Variants in HAT1 observed in about 807,000 individuals in gnomAD.
The protein encoded by HAT1 is histone acetyltransferase 1, also known as histone acetyltransferase type B catalytic subunit.
HAT1 carries 20 observed loss-of-function variants against 56.6 expected under a neutral mutation model. That is an observed-to-expected ratio of 0.35 (90% CI 0.25 to 0.51). The LOEUF (loss-of-function observed/expected upper bound fraction) is 0.51. Among genes scored for constraint, HAT1 ranks in the 20% least tolerant of loss-of-function variants. The pLI is 0.95. For synonymous variants in HAT1, 146 were observed against 165.5 expected, an observed-to-expected ratio of 0.88 and a Z score of 0.91; for missense variants, 408 against 504.3, an observed-to-expected ratio of 0.81 and a Z score of 1.83.
chr2:171,938,469 A>G (rs1686933571), intron 2 of HAT1, among the ~76,000 whole-genome samples: 1 of 152,124 alleles, frequency 6.6e-6, no homozygotes, highest in Admixed American at 6.6e-5. Flanking sequence ...ATTATTATAC[A>G]CCTCACTGTG....
At chr2:171,967,580 T>A (rs1385718814) in intron 8 of HAT1, among the ~76,000 whole-genome samples, 1 of 152,134 alleles carries the variant, frequency 6.6e-6, no homozygotes, top group Non-Finnish European at 1.5e-5. Context: ...CATTATTAGA[T>A]GGAGTTTCAG....
At chr2:171,975,118 T>A (rs74804670) in intron 8 of HAT1, among the ~76,000 whole-genome samples, 1 of 150,812 alleles carries the variant, frequency 6.6e-6, no homozygotes, top group African/African-American at 2.4e-5. Flanking sequence ...TTTTTTTTTT[T>A]AATGGAGATG....
In HAT1 at chr2:171,953,017, CT is replaced by C; in HGVS notation, c.309+21del. The C allele has an allele frequency of 1.3e-6, 2 of 1,536,842 alleles. No individual in the cohort carries two copies. Among genetic ancestry groups the C allele is most frequent in the Non-Finnish European group, 1.8e-6 (2 of 1,128,720 alleles). ...CTGTGTAGAGGTAAGAACAGAAATA[CT>C]TTTTAAACTGTTTTCCAATTTAATT... is the stretch of plus-strand genomic sequence containing the variant. On this transcript the variant is annotated intron_variant, in intron 4 of 10. Transcript: ENST00000264108.
chr2:171,944,906 C>T (rs1233529553), intron 2 of HAT1, among the ~76,000 whole-genome samples: 5 of 152,130 alleles, frequency 3.3e-5, no homozygotes, highest in Admixed American at 6.6e-5. Context: ...GAGTCTCGCT[C>T]GATCACCCAG....
At chr2:171,953,891 A>G (rs575443435) in intron 4 of HAT1, among the ~76,000 whole-genome samples, 93 of 152,112 alleles carry the variant, frequency 6.1e-4, no homozygotes, top group Non-Finnish European at 1.1e-3. Flanking sequence ...GCTACTTGGG[A>G]GGCTGAGGCA....
intron 7 of HAT1, 109 bp from the exon 8 acceptor site, chr2:171,966,734 A>G: frequency 1.5e-6 from 1 of 651,392 alleles, no homozygotes; most frequent in Non-Finnish European, 2.7e-6. Flanking sequence ...AGGTGGATTG[A>G]AAAAAAGATC....
At chr2:171,936,411 A>G (rs1053261366) in intron 2 of HAT1, among the ~76,000 whole-genome samples, 1 of 152,196 alleles carries the variant, frequency 6.6e-6, no homozygotes, top group Non-Finnish European at 1.5e-5. Context: ...AGCGCAAGAT[A>G]GGAGAGCATT....
At chr2:171,926,174 A>G (rs1302430406) in intron 2 of HAT1, among the ~76,000 whole-genome samples, 4 of 151,610 alleles carry the variant, frequency 2.6e-5, no homozygotes, top group African/African-American at 4.9e-5. Context: ...CTGTAGTGCC[A>G]CGGCATGGTC....
chr2:171,966,660 C>T, intron 7 of HAT1, 147 bp downstream of exon 7: 1 of 627,766 alleles, frequency 1.6e-6, no homozygotes, highest in Non-Finnish European at 2.9e-6. Flanking sequence ...TTCATTGTTC[C>T]CTTTGAAACA....
At chr2:171,949,130 A>C (rs1264633162) in intron 3 of HAT1, among the ~76,000 whole-genome samples, 1 of 152,042 alleles carries the variant, frequency 6.6e-6, no homozygotes, top group Non-Finnish European at 1.5e-5. Context: ...TTCATTTATT[A>C]GTTGGGCATG....
rs142995786 is a variant in HAT1 at position 171,965,117 on chromosome 2, C to T, written c.310-221C>T. Reference sequence around the variant, plus strand: ...ATTATTGTACTTGGTATCAGGTCACCTGCCTTCTCTTATTTACTTTTATAT... The same window carrying T: ...ATTATTGTACTTGGTATCAGGTCACTTGCCTTCTCTTATTTACTTTTATAT... On this transcript the variant is annotated intron_variant, in intron 4 of 10. Coordinates refer to ENST00000264108, the MANE Select transcript of HAT1 (RefSeq NM_003642.4). 304 of 475,154 alleles carry T rather than the reference C, an allele frequency of 6.4e-4. 1 individual carries two copies. Among genetic ancestry groups the T allele is most frequent in the African/African-American group, 5.6e-3 (277 of 49,722 alleles). The allele number at this position is 475,154 out of a possible 1,614,324, so 29.4% of individuals were successfully genotyped here.
At chr2:171,974,032 A>G (rs1687885003) in intron 8 of HAT1, among the ~76,000 whole-genome samples, 1 of 151,946 alleles carries the variant, frequency 6.6e-6, no homozygotes. Flanking sequence ...TACAAAATTT[A>G]GCCAGGCATG....
At chr2:171,979,557 C>T in intron 10 of HAT1, 194 bp downstream of exon 10, 2 of 454,504 alleles carry the variant, frequency 4.4e-6, no homozygotes, top group Non-Finnish European at 4.0e-6. Flanking sequence ...CCTGTAATCC[C>T]AGCACTCAGG....
At chr2:171,925,191 GC>G (rs1227741675) in intron 1 of HAT1, among the ~76,000 whole-genome samples, 4 of 150,186 alleles carry the variant, frequency 2.7e-5, no homozygotes, top group Non-Finnish European at 5.9e-5. Flanking sequence ...TCCTGCCTCA[GC>G]CTCCCAAGTA....
chr2:171,949,711 T>C (rs1252872386), intron 3 of HAT1, among the ~76,000 whole-genome samples: 1 of 150,104 alleles, frequency 6.7e-6, no homozygotes, highest in Non-Finnish European at 1.5e-5. Context: ...GAGATGGGGG[T>C]CTTCCTATGT....
intron 2 of HAT1, among the ~76,000 whole-genome samples, chr2:171,933,546 A>G (rs1306803765): frequency 6.6e-6 from 1 of 152,098 alleles, no homozygotes; most frequent in Admixed American, 6.5e-5. Flanking sequence ...AAAGAAAAAA[A>G]AATTTACCTC....
intron 2 of HAT1, among the ~76,000 whole-genome samples, chr2:171,938,880 A>G (rs960433571): frequency 6.6e-6 from 1 of 152,048 alleles, no homozygotes; most frequent in Non-Finnish European, 1.5e-5. Context: ...AGCTGGGACT[A>G]TGGGTGTATA....
intron 8 of HAT1, among the ~76,000 whole-genome samples, chr2:171,970,739 C>T (rs1468759361): frequency 2.0e-5 from 3 of 150,138 alleles, no homozygotes; most frequent in East Asian, 2.1e-4. Flanking sequence ...AGGCTGGTCT[C>T]GAACTCCTAA....
intron 4 of HAT1, among the ~76,000 whole-genome samples, chr2:171,955,913 C>T (rs537123753): frequency 5.3e-5 from 8 of 151,822 alleles, no homozygotes; most frequent in Admixed American, 1.3e-4. Flanking sequence ...GGCATGGTGG[C>T]GCATGCCTGT....
Sources: allele counts gnomAD v4.1 joint callset (sites outside exome capture counted in the v4.1 genomes callset), GRCh38; gene constraint gnomAD v4.1.1; transcripts MANE v1.5; gene names NCBI Gene and HGNC (gene_info 2026-07-23, HGNC 2026-07-21).